Variants in CNTN5 observed in about 807,000 individuals in gnomAD.
The protein encoded by CNTN5 is contactin 5.
In CNTN5, 77 loss-of-function variants were observed where a neutral mutation model predicts 129.1. The ratio of observed to expected loss-of-function variants is 0.60; its 90% confidence interval spans 0.50 to 0.72. CNTN5 has a LOEUF of 0.72. Ranked by LOEUF, CNTN5 falls within the 30% of genes least tolerant of loss-of-function variation. The pLI is 0.00. For synonymous variants in CNTN5, 509 were observed against 465.6 expected (o/e 1.09, Z -1.20); for missense variants, 1,478 against 1,328.8 (o/e 1.11, Z -1.75).
chr11:100,090,121 G>C (rs1039825584), intron 13 of CNTN5, among the ~76,000 whole-genome samples: 6 of 152,052 alleles, frequency 3.9e-5, no homozygotes, highest in Non-Finnish European at 5.9e-5. Flanking sequence ...CTTCTCAATA[G>C]ATAGAGAAAA....
intron 6 of CNTN5, among the ~76,000 whole-genome samples, chr11:99,855,675 C>T (rs1948010415): frequency 6.6e-6 from 1 of 152,136 alleles, no homozygotes. Flanking sequence ...AGTAAGGTAT[C>T]TAGATCCTCT....
intron 2 of CNTN5, among the ~76,000 whole-genome samples, chr11:99,462,405 C>A: frequency 7.5e-6 from 1 of 133,094 alleles, no homozygotes; most frequent in Admixed American, 8.8e-5. Context: ...CACAAGTTGG[C>A]AAAAATTTCT....
chr11:99,288,954 T>A (rs12364826), intron 1 of CNTN5, among the ~76,000 whole-genome samples: 2,125 of 151,880 alleles, frequency 0.014, 26 homozygotes, highest in Middle Eastern at 0.038. Context: ...TGTATTTGGT[T>A]CCTAGATCCT....
At chr11:99,784,673 G>A (rs1945447034) in intron 3 of CNTN5, among the ~76,000 whole-genome samples, 2 of 151,844 alleles carry the variant, frequency 1.3e-5, no homozygotes, top group South Asian at 4.1e-4. Context: ...CGGTTGAACT[G>A]ATTTACACTC....
rs1025730050 is a variant in CNTN5, at chr11:99,374,176, T to C, written c.-71+48692T>C. On this transcript the variant is annotated intron_variant, in intron 2 of 24. Transcript: ENST00000524871. The stretch of plus-strand genomic sequence containing the variant: ...CTAATTCTTTTTCTCTAATGACCAA[T>C]AGTCAGAGGTCCAATTTCAGAGTTG... Among the ~76,000 whole-genome samples, 4 of 152,312 alleles carry C rather than the reference T, an allele frequency of 2.6e-5. No individual in the cohort carries two copies. In the South Asian group the frequency reaches 6.2e-4, roughly 24 times the overall value.
At chr11:100,066,420 T>G (rs2137836660) in intron 10 of CNTN5, among the ~76,000 whole-genome samples, 1 of 152,246 alleles carries the variant, frequency 6.6e-6, no homozygotes, top group Admixed American at 6.6e-5. Context: ...AAGAGGCCAA[T>G]AACACTTAGC....
chr11:99,733,452 T>C (rs1460219722), intron 3 of CNTN5, among the ~76,000 whole-genome samples: 1 of 150,702 alleles, frequency 6.6e-6, no homozygotes, highest in East Asian at 1.9e-4. Context: ...GTTTGGAAGC[T>C]AGTTGAGCAA....
At chr11:99,708,631 A>G (rs1444645015) in intron 3 of CNTN5, among the ~76,000 whole-genome samples, 2 of 151,614 alleles carry the variant, frequency 1.3e-5, no homozygotes, top group African/African-American at 2.4e-5. Flanking sequence ...TAAACGTTCT[A>G]TCCTCCTCCA....
intron 16 of CNTN5, among the ~76,000 whole-genome samples, chr11:100,242,343 C>T (rs750918651): frequency 2.6e-4 from 39 of 152,060 alleles, no homozygotes; most frequent in Non-Finnish European, 4.4e-4. Context: ...TTCTTCATTG[C>T]GTTTGTTACT....
At chr11:100,238,694 T>C (rs1949676875) in intron 16 of CNTN5, among the ~76,000 whole-genome samples, 1 of 152,194 alleles carries the variant, frequency 6.6e-6, no homozygotes, top group African/African-American at 2.4e-5. Flanking sequence ...GTAGATATTG[T>C]TGATATTCTC....
intron 2 of CNTN5, among the ~76,000 whole-genome samples, chr11:99,550,011 C>CAACAAAA (rs1948429833): frequency 1.3e-5 from 2 of 151,890 alleles, no homozygotes; most frequent in Non-Finnish European, 2.9e-5. Flanking sequence ...GGACCCTATT[C>CAACAAAA]CACGCAGGTT....
intron 3 of CNTN5, among the ~76,000 whole-genome samples, chr11:99,615,682 A>G (rs755966781): frequency 5.3e-4 from 80 of 152,160 alleles, no homozygotes; most frequent in Non-Finnish European, 1.1e-3. Context: ...ATGTTGTGTA[A>G]TTATAGTACA....
At chr11:100,178,981 A>G (rs1948054222) in intron 13 of CNTN5, among the ~76,000 whole-genome samples, 1 of 152,114 alleles carries the variant, frequency 6.6e-6, no homozygotes, top group South Asian at 2.1e-4. Context: ...GGCATATACA[A>G]GTATGGGGCA....
intron 1 of CNTN5, among the ~76,000 whole-genome samples, chr11:99,194,630 C>T (rs917555505): frequency 7.9e-5 from 12 of 151,962 alleles, no homozygotes; most frequent in African/African-American, 2.4e-4. Flanking sequence ...TTTAGAGATG[C>T]AGTCTTGCTC....
intron 4 of CNTN5, among the ~76,000 whole-genome samples, chr11:99,820,758 T>C (rs943940691): frequency 1.8e-4 from 27 of 152,248 alleles, no homozygotes; most frequent in African/African-American, 6.3e-4. Context: ...ATAGGTATCA[T>C]AGCTAATTTT....
intron 2 of CNTN5, among the ~76,000 whole-genome samples, chr11:99,470,928 A>T (rs1945147334): frequency 6.6e-6 from 1 of 152,070 alleles, no homozygotes; most frequent in South Asian, 2.1e-4. Flanking sequence ...AGTTAGGTAG[A>T]TCTTATTTAT....
intron 1 of CNTN5, among the ~76,000 whole-genome samples, chr11:99,087,365 A>G (rs1565307064): frequency 6.6e-6 from 1 of 152,188 alleles, no homozygotes; most frequent in African/African-American, 2.4e-5. Flanking sequence ...CATAATTTTT[A>G]TATGGTTCTT....
chr11:99,146,597 A>G (rs1859796558), intron 1 of CNTN5, among the ~76,000 whole-genome samples: 1 of 152,146 alleles, frequency 6.6e-6, no homozygotes, highest in Non-Finnish European at 1.5e-5. Context: ...TCAACACCCA[A>G]TCCTTGTTGA....
chr11:99,236,304 G>A (rs1861257260), intron 1 of CNTN5, among the ~76,000 whole-genome samples: 1 of 151,952 alleles, frequency 6.6e-6, no homozygotes. Context: ...CCTCTCTCTA[G>A]GAAGGATAAG....
Sources: gnomAD v4.1 joint callset for allele counts (sites outside exome capture counted in the v4.1 genomes callset) on GRCh38, gnomAD v4.1.1 for gene constraint, MANE v1.5 for transcripts, NCBI Gene and HGNC (gene_info 2026-07-23, HGNC 2026-07-21) for gene names.